TMC5: variants seen among roughly 807,000 people sequenced by gnomAD.
TMC5 encodes transmembrane channel like 5, also known as transmembrane channel-like protein 5.
A neutral mutation model predicts 110.5 loss-of-function variants in TMC5; 86 were observed. The ratio of observed to expected loss-of-function variants is 0.78; its 90% CI spans 0.65 to 0.93. The LOEUF is 0.93. TMC5 is among the 40% of genes least tolerant of loss of function. The pLI is 0.00. For missense variants in TMC5, 1,144 were observed against 1,222.8 expected (o/e 0.94, Z 0.96); for synonymous variants, 455 against 439.5 (o/e 1.04, Z -0.44).
At chr16:19,444,807 C>T (rs1410779390) in intron 4 of TMC5, among the ~76,000 whole-genome samples, 1 of 152,096 alleles carries the variant, frequency 6.6e-6, no homozygotes, top group Non-Finnish European at 1.5e-5. Flanking sequence ...TTATTTAAAG[C>T]CTAAATAGGT....
chr16:19,477,574 G>A, intron 13 of TMC5, 56 bp downstream of exon 13: 2 of 1,193,218 alleles, frequency 1.7e-6, no homozygotes, highest in Admixed American at 2.1e-5. Flanking sequence ...TGACCAACAG[G>A]GAGGACAGGG....
At chr16:19,453,924 C>T (rs1017312517) in intron 5 of TMC5, among the ~76,000 whole-genome samples, 5 of 152,172 alleles carry the variant, frequency 3.3e-5, no homozygotes, top group African/African-American at 1.2e-4. Flanking sequence ...CACTATATTG[C>T]TCCGACTGTT....
intron 1 of TMC5, among the ~76,000 whole-genome samples, chr16:19,420,123 G>T (rs1186439497): frequency 6.6e-6 from 1 of 152,038 alleles, no homozygotes; most frequent in African/African-American, 2.4e-5. Flanking sequence ...CACCATTAAT[G>T]ATTAAAAATC....
Position 19,444,145 on chromosome 16 carries a change from A to G in TMC5, c.853A>G (p.Ser285Gly), listed in dbSNP as rs1399546011. ...TCACAGGAGTGATGACCCCGTGGGC[A>G]GTCTTTGGGGAGAGAATGATTACCC... ...FRHRSDDPVGSLWGENDYPEG... is the reference protein window; with the variant it reads ...FRHRSDDPVGGLWGENDYPEG... The change falls in exon 4 of 22, where the codon AGT becomes GGT. Residue 285 changes from serine to glycine, a missense_variant. Coordinates refer to ENST00000542583, the MANE Select transcript of TMC5 (RefSeq NM_001261841.2). 6.2e-7 allele frequency: 1 copy of G among 1,614,126 alleles called. No homozygotes were observed. The highest frequency in any genetic ancestry group is 1.1e-5 in the South Asian group (1 of 91,086).
At chr16:19,435,670 C>T (rs1434903857) in intron 2 of TMC5, among the ~76,000 whole-genome samples, 2 of 152,132 alleles carry the variant, frequency 1.3e-5, no homozygotes, top group Non-Finnish European at 2.9e-5. Context: ...CCTGCAATTC[C>T]TAGTCATCAC....
chr16:19,459,659 G>A (rs1036328910), intron 5 of TMC5, among the ~76,000 whole-genome samples: 2 of 152,088 alleles, frequency 1.3e-5, no homozygotes, highest in South Asian at 4.1e-4. Flanking sequence ...GTGTGTGCCT[G>A]TAGTCCCAGC....
At chr16:19,454,094 CTGGAG>C (rs964425161) in intron 5 of TMC5, among the ~76,000 whole-genome samples, 5 of 152,072 alleles carry the variant, frequency 3.3e-5, no homozygotes, top group Admixed American at 6.6e-5. Flanking sequence ...GTCCCCCAGG[CTGGAG>C]TGGAGTGGAG....
chr16:19,469,541 A>T, intron 9 of TMC5, 140 bp from the exon 10 acceptor site: 1 of 1,026,454 alleles, frequency 9.7e-7, no homozygotes, highest in South Asian at 1.5e-5. Context: ...TGGTGACCAC[A>T]CCGCTCCAGG....
chr16:19,450,279 G>A (rs1020198537), intron 5 of TMC5, among the ~76,000 whole-genome samples: 5 of 152,214 alleles, frequency 3.3e-5, no homozygotes, highest in African/African-American at 4.8e-5. Context: ...TGGTAGAAGC[G>A]TATGGGGGAA....
rs73542140 is a variant in TMC5 at position 19,497,695 on chromosome 16, G to A, written c.2975-225G>A. ...AATCTGGGGCTGATGCCAGGAGAGC[G>A]AATTCTGGGCAGGAAACAAACAAGC... On this transcript the variant is annotated intron_variant, in intron 21 of 21. Coordinates refer to ENST00000542583, the MANE Select transcript of TMC5 (RefSeq NM_001261841.2). 5.5e-3 allele frequency among the ~76,000 whole-genome samples: 832 copies of A among 152,258 alleles called. 8 individuals are homozygous for A. The highest frequency in any genetic ancestry group is 0.018 in the African/African-American group (761 of 41,550).
At chr16:19,449,359 T>G (rs1434621822) in intron 4 of TMC5, among the ~76,000 whole-genome samples, 183 bp from the exon 5 acceptor site, 1 of 152,146 alleles carries the variant, frequency 6.6e-6, no homozygotes, top group Non-Finnish European at 1.5e-5. Flanking sequence ...AACAGCACTG[T>G]TTTTGTATTT....
In TMC5 at chr16:19,497,846, C is replaced by T. The variant is rs969264945; in HGVS notation, c.2975-74C>T. On this transcript the variant is annotated intron_variant, in intron 21 of 21. Coordinates refer to ENST00000542583, the MANE Select transcript of TMC5 (RefSeq NM_001261841.2). ...ATGAGAAGCTATGGAATCTTGAAGG[C>T]AAGCTGGTCTTTCCCTTGTAGAGAT... is the stretch of plus-strand genomic sequence containing the variant. 6 of 1,388,600 alleles carry T rather than the reference C, an allele frequency of 4.3e-6. No homozygotes were observed. In the African/African-American group the frequency reaches 8.7e-5, roughly 20 times the overall value. 86.0% of individuals were successfully genotyped at this position (1,388,600 alleles called of 1,614,324 possible). A position where few individuals can be genotyped will look rare whatever the true frequency, so the allele number is the denominator to read the frequency against.
chr16:19,488,108 C>T (rs1041501916), intron 17 of TMC5, among the ~76,000 whole-genome samples: 12 of 151,888 alleles, frequency 7.9e-5, no homozygotes, highest in Non-Finnish European at 8.8e-5. Flanking sequence ...GGGGCGGTTG[C>T]GGGTGTGGGA....
chr16:19,438,267 T>A (rs1342284291), intron 2 of TMC5, among the ~76,000 whole-genome samples: 1 of 149,822 alleles, frequency 6.7e-6, no homozygotes, highest in African/African-American at 2.5e-5. Flanking sequence ...AGATGCATGC[T>A]TGTGGTCCTA....
chr16:19,461,449 C>T lies in TMC5; in HGVS notation c.1148+1115C>T, dbSNP rs189166130. Among the ~76,000 whole-genome samples the T allele has an allele frequency of 1.6e-3, 249 of 152,190 alleles. 1 individual carries two copies. The highest frequency in any genetic ancestry group is 3.0e-3 in the Non-Finnish European group (202 of 68,016). ...CTTAGCCGGGTGTGGTGGCATGCGC[C>T]TGTAATCCCAGCTACTGGGGAGGCT... On this transcript the variant is annotated intron_variant, in intron 6 of 21. Coordinates refer to ENST00000542583, the MANE Select transcript of TMC5 (RefSeq NM_001261841.2).
Position 19,457,709 on chromosome 16 carries a change from CTTTTTTTTTTTTTTTTT to C in TMC5, c.1049-2508_1049-2492del, listed in dbSNP as rs573979829. On this transcript the variant is annotated intron_variant, in intron 5 of 21. Transcript: ENST00000542583. ...TCTATCTGATTCCCAAGACTACATT[CTTTTTTTTTTTTTTTTT>C]TTTTTTTTTTTTTTTTTGAGACAAA... is the stretch of plus-strand genomic sequence containing the variant. Among the ~76,000 whole-genome samples the C allele has an allele frequency of 9.1e-4, 40 of 43,932 alleles. No homozygotes were observed. The East Asian group carries it at 0.026, about 29-fold the overall frequency. 28.8% of individuals were successfully genotyped at this position (43,932 alleles called of 152,430 possible).
chr16:19,483,805 G>GC (rs1968673449), intron 15 of TMC5, among the ~76,000 whole-genome samples: 1 of 150,782 alleles, frequency 6.6e-6, no homozygotes, highest in East Asian at 2.0e-4. Flanking sequence ...AAAAGAAAAG[G>GC]CCAGGCACGG....
intron 9 of TMC5, among the ~76,000 whole-genome samples, chr16:19,468,087 G>T (rs576878438): frequency 1.4e-4 from 21 of 152,156 alleles, no homozygotes; most frequent in South Asian, 8.3e-4. Context: ...TGATTCTCCT[G>T]TCTCAGCCTC....
chr16:19,474,537 G>A (rs1451205876), intron 12 of TMC5, among the ~76,000 whole-genome samples: 1 of 152,062 alleles, frequency 6.6e-6, no homozygotes, highest in South Asian at 2.1e-4. Context: ...AAAGCTGGAT[G>A]CAGTGGCATG....
Sources: gnomAD v4.1 joint callset for allele counts (sites outside exome capture counted in the v4.1 genomes callset) on GRCh38, gnomAD v4.1.1 for gene constraint, MANE v1.5 for transcripts, NCBI Gene and HGNC (gene_info 2026-07-23, HGNC 2026-07-21) for gene names.